ROBO2: variants seen among roughly 807,000 people sequenced by gnomAD.
ROBO2 encodes roundabout homolog 2.
Under a neutral mutation model 160.8 loss-of-function variants are expected in ROBO2, and 53 were observed. The ratio of observed to expected loss-of-function variants is 0.33; its 90% CI spans 0.26 to 0.41. The LOEUF is 0.41. Among genes scored for constraint, ROBO2 ranks in the 10% least tolerant of loss-of-function variants. The pLI is 1.00. For missense variants in ROBO2, 1,577 were observed against 1,722.4 expected, an observed-to-expected ratio of 0.92 and a Z score of 1.49; for synonymous variants, 664 against 611.7, an observed-to-expected ratio of 1.09 and a Z score of -1.26.
intron 2 of ROBO2, among the ~76,000 whole-genome samples, chr3:75,978,095 C>T (rs760150929): frequency 6.6e-6 from 1 of 151,354 alleles, no homozygotes; most frequent in Non-Finnish European, 1.5e-5. Flanking sequence ...AAAAAATCAG[C>T]GATAGTAGTT....
chr3:77,002,929 C>A (rs2061402366), intron 2 of ROBO2, among the ~76,000 whole-genome samples: 1 of 151,890 alleles, frequency 6.6e-6, no homozygotes, highest in African/African-American at 2.4e-5. Context: ...GATGACTGAC[C>A]ATATGTCTAG....
At chr3:75,929,785 C>T (rs1166751086) in intron 1 of ROBO2, among the ~76,000 whole-genome samples, 1 of 148,804 alleles carries the variant, frequency 6.7e-6, no homozygotes, top group Admixed American at 6.7e-5. Flanking sequence ...ACCTCCTCCT[C>T]CCGGTTTCAA....
chr3:76,963,362 T>C (rs186669738), intron 2 of ROBO2, among the ~76,000 whole-genome samples: 1 of 152,270 alleles, frequency 6.6e-6, no homozygotes, highest in African/African-American at 2.4e-5. Context: ...GAAATAATTT[T>C]AAATGAAAAT....
chr3:76,606,943 C>T (rs1484362587), intron 2 of ROBO2, among the ~76,000 whole-genome samples: 1 of 152,072 alleles, frequency 6.6e-6, no homozygotes, highest in Admixed American at 6.5e-5. Context: ...CATGATTTTA[C>T]ATATGAAGCT....
chr3:76,722,992 TAAAAC>T (rs1260879676), intron 2 of ROBO2, among the ~76,000 whole-genome samples: 1 of 152,160 alleles, frequency 6.6e-6, no homozygotes, highest in African/African-American at 2.4e-5. Flanking sequence ...ATATGGAAAA[TAAAAC>T]TATAGATATG....
chr3:76,305,777 C>T (rs1047272874), intron 2 of ROBO2, among the ~76,000 whole-genome samples: 1 of 150,982 alleles, frequency 6.6e-6, no homozygotes, highest in African/African-American at 2.4e-5. Context: ...AAATTGTCCA[C>T]TTCTATTAGT....
chr3:76,304,160 G>A, intron 2 of ROBO2, among the ~76,000 whole-genome samples: 1 of 152,100 alleles, frequency 6.6e-6, no homozygotes, highest in East Asian at 1.9e-4. Context: ...AAACAAAACT[G>A]ATATATATTA....
At chr3:77,291,946 G>T (rs1490979197) in intron 2 of ROBO2, among the ~76,000 whole-genome samples, 1 of 151,690 alleles carries the variant, frequency 6.6e-6, no homozygotes, top group African/African-American at 2.4e-5. Flanking sequence ...GGCTAAAAGT[G>T]TAAGCTGAGA....
intron 2 of ROBO2, among the ~76,000 whole-genome samples, chr3:77,144,608 T>G (rs1040317838): frequency 6.6e-6 from 1 of 152,234 alleles, no homozygotes; most frequent in Non-Finnish European, 1.5e-5. Context: ...CTTTGTAAAC[T>G]TCAAATAAAA....
intron 2 of ROBO2, among the ~76,000 whole-genome samples, chr3:76,698,463 A>G (rs773499931): frequency 1.2e-4 from 19 of 152,144 alleles, no homozygotes; most frequent in Non-Finnish European, 2.6e-4. Context: ...TTTCAAGACC[A>G]ATTTCAAGCT....
At chr3:76,065,566 A>G (rs887144555) in intron 2 of ROBO2, among the ~76,000 whole-genome samples, 1 of 151,966 alleles carries the variant, frequency 6.6e-6, no homozygotes, top group Non-Finnish European at 1.5e-5. Flanking sequence ...TCTACTTAGA[A>G]AATAAAATTT....
At position 76,086,260 on chromosome 3, in the gene ROBO2, C is replaced by T. The variant is rs151266604; in HGVS notation, c.109+148658C>T. Among the ~76,000 whole-genome samples the T allele has an allele frequency of 6.3e-3, 954 of 152,214 alleles. 8 individuals are homozygous for T. The highest frequency in any genetic ancestry group is 0.018 in the Admixed American group (281 of 15,282). ...TGAAAGCGAAGCGGAGGAAAAGCCC[C>T]TTATAAAACCACCAGATCTCAGGAG... On this transcript the variant is annotated intron_variant, in intron 2 of 26. Transcript: ENST00000487694.
chr3:76,121,553 A>C (rs2070754288), intron 2 of ROBO2, among the ~76,000 whole-genome samples: 1 of 152,124 alleles, frequency 6.6e-6, no homozygotes, highest in African/African-American at 2.4e-5. Flanking sequence ...AACCTACACC[A>C]TCTGTGTTGG....
At chr3:75,919,583 A>G (rs1017560718) in intron 1 of ROBO2, among the ~76,000 whole-genome samples, 16 of 152,024 alleles carry the variant, frequency 1.1e-4, no homozygotes, top group East Asian at 1.9e-4. Flanking sequence ...CTCTTTTTCT[A>G]TTGTTCAGAA....
chr3:76,860,091 G>C (rs1165573441), intron 2 of ROBO2, among the ~76,000 whole-genome samples: 3 of 152,116 alleles, frequency 2.0e-5, no homozygotes, highest in Admixed American at 2.0e-4. Flanking sequence ...TCTTAAACAA[G>C]TCATTGATCT....
intron 2 of ROBO2, among the ~76,000 whole-genome samples, chr3:76,324,922 C>A (rs2072880790): frequency 6.6e-6 from 1 of 152,050 alleles, no homozygotes; most frequent in Admixed American, 6.6e-5. Flanking sequence ...CTGGCTAACA[C>A]GGTGAAACCC....
intron 2 of ROBO2, among the ~76,000 whole-genome samples, chr3:76,130,376 G>C (rs971320035): frequency 1.3e-5 from 2 of 152,172 alleles, no homozygotes; most frequent in African/African-American, 4.8e-5. Flanking sequence ...ATAGTTTTCA[G>C]TTAAAAGGAA....
chr3:76,711,568 T>C (rs754182289), intron 2 of ROBO2, among the ~76,000 whole-genome samples: 8 of 152,150 alleles, frequency 5.3e-5, no homozygotes, highest in Non-Finnish European at 1.0e-4. Context: ...ACGAAATCCA[T>C]CCACACATCT....
At chr3:76,767,888 A>G (rs932145355) in intron 2 of ROBO2, among the ~76,000 whole-genome samples, 5 of 151,528 alleles carry the variant, frequency 3.3e-5, no homozygotes, top group Admixed American at 6.6e-5. Flanking sequence ...TTTTGTGGAC[A>G]TTAACTTTTG....
Sources: allele counts gnomAD v4.1 joint callset (sites outside exome capture counted in the v4.1 genomes callset), GRCh38; gene constraint gnomAD v4.1.1; transcripts MANE v1.5; gene names NCBI Gene and HGNC (gene_info 2026-07-23, HGNC 2026-07-21).